Variants in BNC2 observed in about 807,000 individuals in gnomAD.
BNC2 encodes basonuclin zinc finger protein 2.
A neutral mutation model predicts 76.3 loss-of-function variants in BNC2; 20 were observed. That is an observed-to-expected ratio of 0.26 (90% CI 0.18 to 0.38). BNC2 has a LOEUF of 0.38. BNC2 is among the 10% of genes least tolerant of loss of function. The pLI, the probability that BNC2 is intolerant of heterozygous loss-of-function variation, is 1.00. For missense variants in BNC2, 1,382 were observed against 1,399.8 expected (o/e 0.99, Z 0.20); for synonymous variants, 582 against 514.8 (o/e 1.13, Z -1.77).
intron 4 of BNC2, among the ~76,000 whole-genome samples, chr9:16,557,446 C>T (rs565385459): frequency 6.6e-6 from 1 of 151,894 alleles, no homozygotes; most frequent in African/African-American, 2.4e-5. Flanking sequence ...TTGCAGTGAG[C>T]TGAGATCGTA....
At chr9:16,438,802 A>G (rs1563784192) in intron 5 of BNC2, among the ~76,000 whole-genome samples, 1 of 152,168 alleles carries the variant, frequency 6.6e-6, no homozygotes, top group African/African-American at 2.4e-5. Context: ...GATCGACGTT[A>G]CCACCGTGAG....
intron 1 of BNC2, among the ~76,000 whole-genome samples, chr9:16,763,489 G>C (rs1272101221): frequency 6.6e-6 from 1 of 152,056 alleles, no homozygotes; most frequent in Non-Finnish European, 1.5e-5. Flanking sequence ...AGGATCACTT[G>C]AGCCCAGGAG....
chr9:16,762,329 A>C (rs1357016508), intron 1 of BNC2, among the ~76,000 whole-genome samples: 1 of 152,194 alleles, frequency 6.6e-6, no homozygotes, highest in Non-Finnish European at 1.5e-5. Flanking sequence ...TTTGAACACT[A>C]TCCAAAGACA....
chr9:16,497,641 G>T (rs187493073), intron 5 of BNC2, among the ~76,000 whole-genome samples: 1 of 152,004 alleles, frequency 6.6e-6, no homozygotes, highest in Non-Finnish European at 1.5e-5. Flanking sequence ...TATAAAAATC[G>T]CTCTAAAGAA....
chr9:16,822,891 C>A (rs1331932959), intron 1 of BNC2, among the ~76,000 whole-genome samples: 1 of 152,026 alleles, frequency 6.6e-6, no homozygotes, highest in African/African-American at 2.4e-5. Context: ...ATTACAGAAG[C>A]CTTGAACTCA....
chr9:16,799,367 T>C (rs1411769455), intron 1 of BNC2, among the ~76,000 whole-genome samples: 3 of 152,056 alleles, frequency 2.0e-5, no homozygotes, highest in Non-Finnish European at 4.4e-5. Context: ...CAAACTGGAG[T>C]GCAGTGGCAG....
intron 5 of BNC2, among the ~76,000 whole-genome samples, chr9:16,456,828 A>T (rs911186115): frequency 1.3e-5 from 2 of 152,180 alleles, no homozygotes; most frequent in African/African-American, 4.8e-5. Flanking sequence ...GAATATTGTA[A>T]AAAACATCAA....
chr9:16,722,683 T>C (rs1160268694), intron 3 of BNC2, among the ~76,000 whole-genome samples: 1 of 152,170 alleles, frequency 6.6e-6, no homozygotes, highest in Admixed American at 6.5e-5. Flanking sequence ...ATGTTGAAAA[T>C]AAACTCCAAA....
At chr9:16,674,030 T>C (rs1822563035) in intron 3 of BNC2, among the ~76,000 whole-genome samples, 1 of 152,278 alleles carries the variant, frequency 6.6e-6, no homozygotes, top group African/African-American at 2.4e-5. Flanking sequence ...CAACTAGAAC[T>C]GTTCATTCCA....
intron 4 of BNC2, among the ~76,000 whole-genome samples, chr9:16,567,261 T>C (rs990705785): frequency 2.6e-5 from 4 of 152,220 alleles, no homozygotes; most frequent in Admixed American, 2.6e-4. Flanking sequence ...TTCATTAATG[T>C]ATGTAATATA....
At chr9:16,822,517 C>A (rs927450101) in intron 1 of BNC2, among the ~76,000 whole-genome samples, 7 of 152,070 alleles carry the variant, frequency 4.6e-5, no homozygotes, top group South Asian at 2.1e-4. Context: ...CCCAGTATGG[C>A]CTTTAAGGAA....
At chr9:16,442,012 A>G (rs753200992) in intron 5 of BNC2, among the ~76,000 whole-genome samples, 3 of 152,192 alleles carry the variant, frequency 2.0e-5, no homozygotes, top group East Asian at 1.9e-4. Flanking sequence ...AGAGTACATA[A>G]CTGAACTCTT....
At position 16,418,926 on chromosome 9, in the gene BNC2, T is replaced by C. The variant is rs929574962; in HGVS notation, c.*63A>G. ...CCCAAGTACATAAGCGCACACTGACTATGGCAGTTCAAACACGTAGGCCAT... is the reference window on the plus strand; with the variant it reads ...CCCAAGTACATAAGCGCACACTGACCATGGCAGTTCAAACACGTAGGCCAT... On this transcript the variant is annotated 3_prime_UTR_variant, in exon 7 of 7. Transcript: ENST00000380672. 1 of 1,554,650 alleles carries C rather than the reference T, an allele frequency of 6.4e-7. No individual in the cohort carries two copies. Among genetic ancestry groups the C allele is most frequent in the African/African-American group, 1.4e-5 (1 of 71,260 alleles).
At chr9:16,491,093 G>T (rs553697627) in intron 5 of BNC2, among the ~76,000 whole-genome samples, 1 of 152,178 alleles carries the variant, frequency 6.6e-6, no homozygotes, top group Admixed American at 6.5e-5. Flanking sequence ...GGGCATAAAA[G>T]AATAGAGACT....
intron 3 of BNC2, among the ~76,000 whole-genome samples, chr9:16,660,475 T>C (rs1344612829): frequency 6.6e-6 from 1 of 150,566 alleles, no homozygotes; most frequent in Admixed American, 6.6e-5. Flanking sequence ...AAAAAATACA[T>C]ACCACTTTGT....
chr9:16,599,349 C>A (rs563031077), intron 3 of BNC2, among the ~76,000 whole-genome samples: 1 of 152,290 alleles, frequency 6.6e-6, no homozygotes, highest in East Asian at 1.9e-4. Context: ...AGTAGAAATT[C>A]AATACTCTCT....
intron 4 of BNC2, among the ~76,000 whole-genome samples, chr9:16,564,970 C>G (rs963437118): frequency 1.3e-5 from 2 of 152,078 alleles, no homozygotes; most frequent in African/African-American, 4.8e-5. Context: ...CGTAGGTCAT[C>G]GTCATCCTTA....
intron 3 of BNC2, among the ~76,000 whole-genome samples, chr9:16,713,686 C>T (rs1384463883): frequency 2.0e-5 from 3 of 151,966 alleles, no homozygotes; most frequent in Non-Finnish European, 4.4e-5. Flanking sequence ...GGAAGGCTTT[C>T]CCCCGCCCTT....
intron 3 of BNC2, among the ~76,000 whole-genome samples, chr9:16,592,389 A>G (rs1157287117): frequency 2.0e-5 from 3 of 152,180 alleles, no homozygotes; most frequent in Non-Finnish European, 4.4e-5. Context: ...ATACTACAAC[A>G]TGAATGAACA....
Sources: gnomAD v4.1 joint callset for allele counts (sites outside exome capture counted in the v4.1 genomes callset) on GRCh38, gnomAD v4.1.1 for gene constraint, MANE v1.5 for transcripts, NCBI Gene and HGNC (gene_info 2026-07-23, HGNC 2026-07-21) for gene names.